The following SHANK2 variants were observed in gnomAD, a reference collection of about 807,000 sequenced individuals.
The protein encoded by SHANK2 is SH3 and multiple ankyrin repeat domains 2, also known as SH3 and multiple ankyrin repeat domains protein 2.
A neutral mutation model predicts 133.7 loss-of-function variants in SHANK2; 43 were observed. That is an observed-to-expected ratio of 0.32 (90% CI 0.25 to 0.41). SHANK2 has a LOEUF of 0.41. Among genes scored for constraint, SHANK2 ranks in the 10% least tolerant of loss-of-function variants. The probability of loss-of-function intolerance (pLI) is 1.00; values close to 1 mark genes in which losing one functional copy is unlikely to be tolerated. For missense variants in SHANK2, 1,994 were observed against 2,235.8 expected, an observed-to-expected ratio of 0.89 and a Z score of 2.18; for synonymous variants, 1,017 against 952.8, an observed-to-expected ratio of 1.07 and a Z score of -1.24.
intron 17 of SHANK2, among the ~76,000 whole-genome samples, chr11:70,529,105 A>G (rs2059436024): frequency 6.6e-6 from 1 of 152,070 alleles, no homozygotes; most frequent in African/African-American, 2.4e-5. Flanking sequence ...GGGACCAGGG[A>G]GTAAGAAACG....
intron 14 of SHANK2, among the ~76,000 whole-genome samples, chr11:70,755,408 A>AG (rs1471295027): frequency 2.1e-4 from 32 of 152,338 alleles, no homozygotes; most frequent in African/African-American, 7.5e-4. Flanking sequence ...TCCACCCTCC[A>AG]GGGGCTTCCT....
intron 10 of SHANK2, among the ~76,000 whole-genome samples, chr11:70,948,146 A>G (rs375307123): frequency 1.3e-5 from 2 of 152,072 alleles, no homozygotes; most frequent in Admixed American, 6.5e-5. Flanking sequence ...TTTGCCCCAA[A>G]TGTCACAGAA....
intron 17 of SHANK2, among the ~76,000 whole-genome samples, chr11:70,636,542 T>C (rs2061091729): frequency 6.8e-6 from 1 of 147,636 alleles, no homozygotes; most frequent in African/African-American, 2.6e-5. Context: ...TGAGCATGTG[T>C]GAATGCGTGT....
intron 17 of SHANK2, among the ~76,000 whole-genome samples, chr11:70,546,097 A>ATTTTTTTTTTT (rs57144719): frequency 4.4e-5 from 6 of 137,514 alleles, no homozygotes; most frequent in East Asian, 2.0e-4. Flanking sequence ...TATTTATTTA[A>ATTTTTTTTTTT]TTTTTTTTTT....
intron 6 of SHANK2, among the ~76,000 whole-genome samples, chr11:71,104,794 C>A (rs1951777742): frequency 6.6e-6 from 1 of 152,226 alleles, no homozygotes; most frequent in Admixed American, 6.5e-5. Flanking sequence ...AATGAGAATT[C>A]TTGAGACACT....
At chr11:70,625,671 A>G (rs534070799) in intron 17 of SHANK2, among the ~76,000 whole-genome samples, 52 of 151,958 alleles carry the variant, frequency 3.4e-4, no homozygotes, top group Non-Finnish European at 6.5e-4. Flanking sequence ...GCAGTGGAGG[A>G]TGTGGGCTCT....
chr11:71,218,704 A>G (rs1954469963), intron 2 of SHANK2, among the ~76,000 whole-genome samples: 1 of 151,884 alleles, frequency 6.6e-6, no homozygotes, highest in South Asian at 2.1e-4. Flanking sequence ...CATCAACTCC[A>G]AGGTCTCTCG....
chr11:70,609,452 G>A (rs2060624940), intron 17 of SHANK2, among the ~76,000 whole-genome samples: 2 of 152,166 alleles, frequency 1.3e-5, no homozygotes, highest in Non-Finnish European at 2.9e-5. Context: ...CAACCACCAT[G>A]TGACCCAGTA....
At chr11:70,623,605 C>G (rs1205258858) in intron 17 of SHANK2, among the ~76,000 whole-genome samples, 2 of 152,186 alleles carry the variant, frequency 1.3e-5, no homozygotes, top group Admixed American at 1.3e-4. Flanking sequence ...CTTCATTTCC[C>G]AGATGGAAGG....
At chr11:70,862,056 T>G (rs1257808877) in intron 11 of SHANK2, among the ~76,000 whole-genome samples, 3 of 151,812 alleles carry the variant, frequency 2.0e-5, no homozygotes, top group Non-Finnish European at 4.4e-5. Flanking sequence ...AGGGGGAATC[T>G]GGTGTGGAGC....
intron 12 of SHANK2, among the ~76,000 whole-genome samples, chr11:70,812,625 C>T (rs1948302951): frequency 1.3e-5 from 2 of 152,210 alleles, no homozygotes; most frequent in Non-Finnish European, 2.9e-5. Context: ...ATCCTCCTGC[C>T]AGGTCCCACT....
intron 11 of SHANK2, among the ~76,000 whole-genome samples, chr11:70,847,935 G>T (rs1026411636): frequency 6.6e-6 from 1 of 152,230 alleles, no homozygotes; most frequent in Non-Finnish European, 1.5e-5. Context: ...GGCTACAGGA[G>T]ACCTGGGGAG....
chr11:70,671,730 G>T (rs1038307138), intron 15 of SHANK2, among the ~76,000 whole-genome samples: 8 of 152,300 alleles, frequency 5.3e-5, no homozygotes, highest in Non-Finnish European at 1.0e-4. Context: ...AGGTGGGCGG[G>T]TCTCTGCACA....
intron 10 of SHANK2, among the ~76,000 whole-genome samples, chr11:70,913,330 T>G (rs782667434): frequency 1.5e-4 from 23 of 152,182 alleles, no homozygotes; most frequent in Non-Finnish European, 2.6e-4. Flanking sequence ...CCCAGGGGGC[T>G]CTATGTGCTA....
Position 70,663,191 on chromosome 11 carries a change from C to A in SHANK2, c.1854-1513G>T, listed in dbSNP as rs78178492. 5.9e-3 allele frequency among the ~76,000 whole-genome samples: 906 copies of A among 152,322 alleles called. 8 individuals carry two copies. The highest frequency in any genetic ancestry group is 0.021 in the African/African-American group (870 of 41,566). On this transcript the variant is annotated intron_variant, in intron 15 of 25. Coordinates refer to ENST00000601538, the MANE Select transcript of SHANK2 (RefSeq NM_012309.5). The stretch of plus-strand genomic sequence containing the variant: ...CAGGGATGCAAATTTCAAACAAGGC[C>A]ATGTGCTGACGGACTCTTGGTCCCA...
intron 17 of SHANK2, among the ~76,000 whole-genome samples, chr11:70,624,058 G>C (rs1431033140): frequency 6.6e-6 from 1 of 152,152 alleles, no homozygotes; most frequent in Non-Finnish European, 1.5e-5. Flanking sequence ...TGTGCAGGGA[G>C]GGGCAGCCTT....
intron 11 of SHANK2, among the ~76,000 whole-genome samples, chr11:70,867,681 G>A (rs1460585704): frequency 1.3e-5 from 2 of 152,166 alleles, no homozygotes; most frequent in Non-Finnish European, 2.9e-5. Flanking sequence ...AGACATCCAC[G>A]TCTCACCCCA....
At chr11:71,143,237 A>AAAACAAAC (rs200534791) in intron 3 of SHANK2, among the ~76,000 whole-genome samples, 1 of 152,048 alleles carries the variant, frequency 6.6e-6, no homozygotes, top group African/African-American at 2.4e-5. Context: ...TCCATCTCAA[A>AAAACAAAC]AAACAAACAA....
intron 10 of SHANK2, among the ~76,000 whole-genome samples, chr11:70,936,770 T>C (rs1272427650): frequency 4.6e-5 from 7 of 152,260 alleles, no homozygotes; most frequent in East Asian, 1.9e-4. Context: ...CTCCAGCCCA[T>C]GTGCACCCTC....
Sources: gnomAD v4.1 joint callset for allele counts (sites outside exome capture counted in the v4.1 genomes callset) on GRCh38, gnomAD v4.1.1 for gene constraint, MANE v1.5 for transcripts, NCBI Gene and HGNC (gene_info 2026-07-23, HGNC 2026-07-21) for gene names.